GABRB2: variants seen among roughly 807,000 people sequenced by gnomAD.
GABRB2 encodes gamma-aminobutyric acid type A receptor subunit beta2.
In GABRB2, 16 loss-of-function variants were observed where a neutral mutation model predicts 54.7. The ratio of observed to expected loss-of-function variants is 0.29; its 90% CI spans 0.20 to 0.44. The LOEUF (loss-of-function observed/expected upper bound fraction) is 0.44, where lower values mean the gene tolerates loss of function less well. Among genes scored for constraint, GABRB2 ranks in the 20% least tolerant of loss-of-function variants. GABRB2 has a pLI of 1.00. For synonymous variants in GABRB2, 244 were observed against 233.8 expected (o/e 1.04, Z -0.40); for missense variants, 355 against 644.0 (o/e 0.55, Z 4.86).
chr5:161,547,536 G>C (rs1388003401), upstream of GABRB2, among the ~76,000 whole-genome samples: 2 of 151,698 alleles, frequency 1.3e-5, no homozygotes, highest in African/African-American at 2.4e-5. Flanking sequence ...GCCGTGTGAC[G>C]TTCCTGACCC....
At chr5:161,338,795 TATAA>T (rs1351859571) in intron 5 of GABRB2, among the ~76,000 whole-genome samples, 5 of 152,040 alleles carry the variant, frequency 3.3e-5, no homozygotes, top group African/African-American at 1.2e-4. Flanking sequence ...CTAAAAAATA[TATAA>T]ATAAATACAT....
At chr5:161,359,479 TGAAGGCATAA>T (rs1451260877) in intron 5 of GABRB2, among the ~76,000 whole-genome samples, 2 of 144,818 alleles carry the variant, frequency 1.4e-5, no homozygotes, top group African/African-American at 2.6e-5. Flanking sequence ...AGATTGCTCA[TGAAGGCATAA>T]GAAGGCATAA....
At chr5:161,400,518 C>A (rs1756152023) in intron 5 of GABRB2, among the ~76,000 whole-genome samples, 1 of 151,910 alleles carries the variant, frequency 6.6e-6, no homozygotes, top group African/African-American at 2.4e-5. Context: ...ATCTAATGGG[C>A]AATTTGAAGG....
intron 3 of GABRB2, among the ~76,000 whole-genome samples, chr5:161,528,405 T>C (rs1760349948): frequency 6.6e-6 from 1 of 151,728 alleles, no homozygotes; most frequent in Non-Finnish European, 1.5e-5. Flanking sequence ...ATTAAGAAAA[T>C]TATGCAACAA....
intron 9 of GABRB2, among the ~76,000 whole-genome samples, chr5:161,309,776 G>A (rs995996769): frequency 6.6e-6 from 1 of 150,378 alleles, no homozygotes; most frequent in African/African-American, 2.5e-5. Flanking sequence ...GACTACAGGC[G>A]CCCGCCACTA....
At chr5:161,500,834 TTTTTC>T (rs1305626591) in intron 3 of GABRB2, among the ~76,000 whole-genome samples, 1 of 152,164 alleles carries the variant, frequency 6.6e-6, no homozygotes, top group Non-Finnish European at 1.5e-5. Context: ...TCTTGATTTT[TTTTTC>T]TTTTATTATT....
chr5:161,427,160 G>T (rs991041067), intron 4 of GABRB2, among the ~76,000 whole-genome samples: 1 of 152,182 alleles, frequency 6.6e-6, no homozygotes, highest in East Asian at 1.9e-4. Flanking sequence ...AAAATTAGTT[G>T]TTTGACTAAT....
chr5:161,331,737 A>G (rs949463456), intron 7 of GABRB2, among the ~76,000 whole-genome samples: 4 of 152,072 alleles, frequency 2.6e-5, no homozygotes, highest in African/African-American at 9.7e-5. Context: ...AGAGAGCCTA[A>G]TGGGGGAGTT....
At chr5:161,406,814 A>T (rs186711396) in intron 5 of GABRB2, among the ~76,000 whole-genome samples, 47 of 152,146 alleles carry the variant, frequency 3.1e-4, no homozygotes, top group African/African-American at 1.1e-3. Context: ...TTAAAAGGAG[A>T]TGCCTGACTG....
At chr5:161,426,384 CT>C (rs1182820649) in intron 4 of GABRB2, among the ~76,000 whole-genome samples, 1 of 151,978 alleles carries the variant, frequency 6.6e-6, no homozygotes. Flanking sequence ...AAAGGGTCGA[CT>C]GGGGGAGGGT....
intron 3 of GABRB2, among the ~76,000 whole-genome samples, chr5:161,499,245 T>C (rs1037312263): frequency 6.6e-6 from 1 of 152,108 alleles, no homozygotes; most frequent in Non-Finnish European, 1.5e-5. Flanking sequence ...GAAAAATAAG[T>C]ATTATTTCTC....
chr5:161,466,346 C>A (rs1466677840), intron 3 of GABRB2, among the ~76,000 whole-genome samples: 3 of 151,994 alleles, frequency 2.0e-5, no homozygotes, highest in African/African-American at 4.8e-5. Flanking sequence ...AAACAAATAT[C>A]TTTGGTAGAT....
chr5:161,383,929 G>A (rs889708667), intron 5 of GABRB2, among the ~76,000 whole-genome samples: 18 of 152,124 alleles, frequency 1.2e-4, no homozygotes, highest in Non-Finnish European at 2.1e-4. Context: ...ATATATACGC[G>A]CAAGCTGGAG....
At chr5:161,434,632 A>G (rs192583002) in intron 4 of GABRB2, among the ~76,000 whole-genome samples, 33 of 152,030 alleles carry the variant, frequency 2.2e-4, no homozygotes, top group Admixed American at 1.8e-3. Flanking sequence ...GGGTAACTCT[A>G]AGTCTTTAAG....
At chr5:161,327,596 G>A (rs1002923814) in intron 8 of GABRB2, among the ~76,000 whole-genome samples, 4 of 151,962 alleles carry the variant, frequency 2.6e-5, no homozygotes, top group Non-Finnish European at 5.9e-5. Context: ...TTTAAGAGAC[G>A]CTAATACCAA....
intron 3 of GABRB2, among the ~76,000 whole-genome samples, chr5:161,544,447 T>C (rs1346011129): frequency 6.6e-6 from 1 of 152,190 alleles, no homozygotes; most frequent in South Asian, 2.1e-4. Context: ...TGTTCCAATA[T>C]GGGCAGCAGG....
chr5:161,487,461 G>T (rs1232720135), intron 3 of GABRB2, among the ~76,000 whole-genome samples: 3 of 151,830 alleles, frequency 2.0e-5, no homozygotes, highest in Non-Finnish European at 4.4e-5. Flanking sequence ...TACTATTTGG[G>T]TTGAAAACTA....
chr5:161,371,316 C>T (rs1158433000), intron 5 of GABRB2, among the ~76,000 whole-genome samples: 1 of 152,080 alleles, frequency 6.6e-6, no homozygotes, highest in African/African-American at 2.4e-5. Context: ...AAAGAACTGT[C>T]CTATAATAAT....
At chr5:161,413,221 G>T (rs1198515053) in intron 4 of GABRB2, among the ~76,000 whole-genome samples, 1 of 152,088 alleles carries the variant, frequency 6.6e-6, no homozygotes, top group African/African-American at 2.4e-5. Context: ...TTTGCTCATT[G>T]TAAGTCTTTC....
Sources: gnomAD v4.1 joint callset for allele counts (sites outside exome capture counted in the v4.1 genomes callset) on GRCh38, gnomAD v4.1.1 for gene constraint, MANE v1.5 for transcripts, NCBI Gene and HGNC (gene_info 2026-07-23, HGNC 2026-07-21) for gene names.